The following ANK1 variants were observed in gnomAD, a reference collection of about 807,000 sequenced individuals.
The protein encoded by ANK1 is ankyrin-1.
Under a neutral mutation model 210.4 loss-of-function variants are expected in ANK1, and 51 were observed. The observed-to-expected ratio is 0.24, with a 90% CI of 0.19 to 0.31. The LOEUF (loss-of-function observed/expected upper bound fraction) is 0.31, where lower values mean the gene tolerates loss of function less well. Among genes scored for constraint, ANK1 ranks in the 10% least tolerant of loss-of-function variants. The pLI, the probability that ANK1 is intolerant of heterozygous loss-of-function variation, is 1.00. For synonymous variants in ANK1, 967 were observed against 1,025.9 expected (o/e 0.94, Z 1.10); for missense variants, 2,051 against 2,504.4 (o/e 0.82, Z 3.86).
Position 41,714,170 on chromosome 8 carries a change from G to T in ANK1, c.1786C>A (p.His596Asn). Residue 596 changes from histidine to asparagine, a missense_variant, in exon 16 of 43, where the codon CAC (histidine) becomes AAC (asparagine). Coordinates refer to ENST00000289734, the MANE Select transcript of ANK1 (RefSeq NM_000037.4). The stretch of plus-strand genomic sequence containing the variant: ...GCGGGCCTTACCCAGGCAGGGCTGT[G>T]CGGGGAGCCGCCCCGGGGAAGCAGC... ...KLLLPRGGSPHSPAWNGYTPL... is the reference protein window; with the variant it reads ...KLLLPRGGSPNSPAWNGYTPL... The T allele has an allele frequency of 2.1e-6, 3 of 1,434,668 alleles. No individual in the cohort carries two copies. The highest frequency in any genetic ancestry group is 9.3e-7 in the Non-Finnish European group (1 of 1,077,026). The allele number at this position is 1,434,668 out of a possible 1,614,324, so 88.9% of individuals were successfully genotyped here.
At chr8:41,722,800 A>G (rs952483479) in intron 9 of ANK1, among the ~76,000 whole-genome samples, 10 of 152,188 alleles carry the variant, frequency 6.6e-5, no homozygotes, top group African/African-American at 2.4e-4. Context: ...TTATTGGAAC[A>G]CGGGCCCTAG....
intron 1 of ANK1, among the ~76,000 whole-genome samples, chr8:41,858,474 G>T (rs922613321): frequency 2.0e-5 from 3 of 152,250 alleles, no homozygotes; most frequent in Non-Finnish European, 1.5e-5. Flanking sequence ...GGCCCTGTGG[G>T]CTGTACCCCA....
intron 1 of ANK1, among the ~76,000 whole-genome samples, chr8:41,796,569 C>A (rs1482399656): frequency 6.6e-6 from 1 of 151,142 alleles, no homozygotes; most frequent in Non-Finnish European, 1.5e-5. Context: ...AAAAATCAAC[C>A]AGGAAAGGCA....
intron 25 of ANK1, 28 bp downstream of exon 25, chr8:41,696,648 G>C (rs780307169): frequency 6.2e-7 from 1 of 1,607,628 alleles, no homozygotes; most frequent in Admixed American, 1.7e-5. Flanking sequence ...GGAGACAGGA[G>C]TCCCCGAGCC....
Position 41,716,935 on chromosome 8 carries a change from C to A in ANK1, c.1404+18G>T. 6.2e-7 allele frequency: 1 copy of A among 1,612,560 alleles called. No individual in the cohort carries two copies. The highest frequency in any genetic ancestry group is 1.1e-5 in the South Asian group (1 of 91,026). On this transcript the variant is annotated intron_variant, in intron 13 of 42. Coordinates refer to ENST00000289734, the MANE Select transcript of ANK1 (RefSeq NM_000037.4). ...TGCTCACATCTGAAACCCTTCCCTTCCTGCCTTCACTACTCACCTTGGCCT... is the reference window on the plus strand; with the variant it reads ...TGCTCACATCTGAAACCCTTCCCTTACTGCCTTCACTACTCACCTTGGCCT...
At chr8:41,700,751 T>C (rs28537406) in intron 22 of ANK1, among the ~76,000 whole-genome samples, 1 of 151,962 alleles carries the variant, frequency 6.6e-6, no homozygotes, top group Non-Finnish European at 1.5e-5. Context: ...TACAAGCTGA[T>C]ACTATAGTAA....
intron 1 of ANK1, among the ~76,000 whole-genome samples, chr8:41,778,250 T>C (rs1647780118): frequency 6.6e-6 from 1 of 152,028 alleles, no homozygotes. Context: ...AATAGGACAA[T>C]AAAAGGGTCA....
At chr8:41,744,541 T>C (rs1231213472) in intron 2 of ANK1, among the ~76,000 whole-genome samples, 6 of 147,592 alleles carry the variant, frequency 4.1e-5, no homozygotes, top group African/African-American at 1.5e-4. Context: ...CTTTTCTTTT[T>C]TTTTTTTTTT....
intron 1 of ANK1, among the ~76,000 whole-genome samples, chr8:41,785,140 T>C (rs1846088005): frequency 6.6e-6 from 1 of 152,186 alleles, no homozygotes; most frequent in African/African-American, 2.4e-5. Context: ...GGAGGATCAC[T>C]TGAGTCCAGG....
At position 41,704,556 on chromosome 8, in the gene ANK1, G is replaced by A. The variant is rs1255873012; in HGVS notation, c.2098-84C>T. On this transcript the variant is annotated intron_variant, in intron 18 of 42. Transcript: ENST00000289734. The surrounding 1 kb of genome is among the most constrained non-coding windows in gnomAD (Gnocchi z 4.1). Reference sequence around the variant, plus strand: ...TCCTTCCCAAAGCAGCTGATTCAAAGAGAGAACGGACAGGGAGCCCCTTGA... The same window carrying A: ...TCCTTCCCAAAGCAGCTGATTCAAAAAGAGAACGGACAGGGAGCCCCTTGA... 41 of 1,230,474 alleles carry A rather than the reference G, an allele frequency of 3.3e-5. No individual in the cohort carries two copies. Among genetic ancestry groups the A allele is most frequent in the Non-Finnish European group, 4.7e-5 (39 of 836,258 alleles). 76.2% of individuals were successfully genotyped at this position (1,230,474 alleles called of 1,614,324 possible).
intron 16 of ANK1, among the ~76,000 whole-genome samples, chr8:41,713,311 G>A (rs911708639): frequency 2.6e-5 from 4 of 152,214 alleles, no homozygotes; most frequent in South Asian, 2.1e-4. Context: ...CCTTCTCCCC[G>A]CTGGCCACCA....
intron 1 of ANK1, among the ~76,000 whole-genome samples, chr8:41,763,866 CTTCTTTCTTTTTTTCTTTTTTTCTTT>C (rs1841038872): frequency 8.6e-6 from 1 of 116,676 alleles, no homozygotes; most frequent in Non-Finnish European, 1.8e-5. Flanking sequence ...TTCTTTCTTT[CTTCTTTCTTTTTTTCTTTTTTTCTTT>C]TTTTTTTTTT....
At chr8:41,720,629 A>G (rs1829009614) in intron 9 of ANK1, among the ~76,000 whole-genome samples, 1 of 152,146 alleles carries the variant, frequency 6.6e-6, no homozygotes, top group South Asian at 2.1e-4. Flanking sequence ...GTAGACAGAC[A>G]TGGTGTTGTC....
chr8:41,837,190 A>G (rs1807917554), intron 1 of ANK1, among the ~76,000 whole-genome samples: 2 of 152,244 alleles, frequency 1.3e-5, no homozygotes, highest in African/African-American at 4.8e-5. Context: ...CTCAGGTGAG[A>G]CAAAGAATGC....
intron 1 of ANK1, among the ~76,000 whole-genome samples, chr8:41,873,400 G>A (rs1419568738): frequency 1.3e-5 from 2 of 152,200 alleles, no homozygotes; most frequent in African/African-American, 4.8e-5. Context: ...TGGTGAATGA[G>A]TTCCAACAGG....
chr8:41,731,109 C>G (rs1197304336), intron 3 of ANK1, among the ~76,000 whole-genome samples: 1 of 151,884 alleles, frequency 6.6e-6, no homozygotes, highest in Admixed American at 6.6e-5. Context: ...GGAAGTGGAC[C>G]TCCTTTCCCC....
intron 1 of ANK1, among the ~76,000 whole-genome samples, chr8:41,812,884 G>A (rs1002392077): frequency 6.6e-6 from 1 of 152,144 alleles, no homozygotes; most frequent in African/African-American, 2.4e-5. Context: ...GACAGGAGGC[G>A]GAGCTCAGGC....
At chr8:41,860,918 C>T (rs1344023084) in intron 1 of ANK1, among the ~76,000 whole-genome samples, 1 of 152,184 alleles carries the variant, frequency 6.6e-6, no homozygotes. Context: ...CAAATGTTCC[C>T]CAGCAGTTTA....
chr8:41,770,988 C>T (rs1842857033), intron 1 of ANK1, among the ~76,000 whole-genome samples: 1 of 152,222 alleles, frequency 6.6e-6, no homozygotes, highest in Non-Finnish European at 1.5e-5. Flanking sequence ...CCCAGTCCCT[C>T]TCCCTTGCTT....
Sources: gnomAD v4.1 joint callset for allele counts (sites outside exome capture counted in the v4.1 genomes callset) on GRCh38, gnomAD v4.1.1 for gene constraint, Gnocchi (gnomAD v3.1) non-coding constraint, MANE v1.5 for transcripts, NCBI Gene and HGNC (gene_info 2026-07-23, HGNC 2026-07-21) for gene names.